ZNF148: variants seen among roughly 807,000 people sequenced by gnomAD.
ZNF148 encodes the protein zinc finger protein 148, also known as Beta-Enolase Repressor Factor-1.
ZNF148 carries 7 observed loss-of-function variants against 67.7 expected under a neutral mutation model. That is an observed-to-expected ratio of 0.10 (90% CI 0.06 to 0.19). ZNF148 has a LOEUF of 0.19. ZNF148 is among the 10% of genes least tolerant of loss of function. The pLI, the probability that ZNF148 is intolerant of heterozygous loss-of-function variation, is 1.00. For synonymous variants in ZNF148, 333 were observed against 330.7 expected (o/e 1.01, Z -0.08); for missense variants, 583 against 947.1 (o/e 0.62, Z 5.05).
intron 1 of ZNF148, among the ~76,000 whole-genome samples, chr3:125,336,412 A>G (rs1941494823): frequency 6.6e-6 from 1 of 152,162 alleles, no homozygotes; most frequent in African/African-American, 2.4e-5. Context: ...AAGAATAAAA[A>G]CTTGTTCCAG....
At chr3:125,289,483 C>T (rs1162922538) in intron 4 of ZNF148, among the ~76,000 whole-genome samples, 1 of 152,186 alleles carries the variant, frequency 6.6e-6, no homozygotes, top group Non-Finnish European at 1.5e-5. Context: ...ACAGTGACCA[C>T]TCTTCTGGCT....
chr3:125,366,204 A>C (rs544676322), intron 1 of ZNF148, among the ~76,000 whole-genome samples: 1 of 152,362 alleles, frequency 6.6e-6, no homozygotes, highest in South Asian at 2.1e-4. Flanking sequence ...CTTGCCAGGA[A>C]AGTATGATTA....
intron 1 of ZNF148, among the ~76,000 whole-genome samples, chr3:125,370,513 A>C (rs977482886): frequency 6.6e-6 from 1 of 152,254 alleles, no homozygotes; most frequent in African/African-American, 2.4e-5. Context: ...ACAATGTACC[A>C]TTTGCAAAAC....
At chr3:125,255,634 G>A (rs1937040802) in intron 7 of ZNF148, among the ~76,000 whole-genome samples, 1 of 151,760 alleles carries the variant, frequency 6.6e-6, no homozygotes, top group Admixed American at 6.6e-5. Context: ...GAGACTGCTG[G>A]GAACAAATTT....
intron 6 of ZNF148, among the ~76,000 whole-genome samples, chr3:125,278,297 TG>T (rs921562506): frequency 2.0e-5 from 3 of 152,130 alleles, no homozygotes; most frequent in African/African-American, 7.2e-5. Flanking sequence ...CTCTCTCTGC[TG>T]GGGCTTTTCC....
At chr3:125,250,926 T>A (rs1156724092) in intron 7 of ZNF148, among the ~76,000 whole-genome samples, 2 of 152,192 alleles carry the variant, frequency 1.3e-5, no homozygotes. Flanking sequence ...TTTTCAAACA[T>A]ACACAAAAGT....
intron 1 of ZNF148, among the ~76,000 whole-genome samples, chr3:125,364,793 G>A (rs1942652810): frequency 6.6e-6 from 1 of 152,100 alleles, no homozygotes. Flanking sequence ...GCACTTTACT[G>A]TATTTATCTC....
intron 3 of ZNF148, among the ~76,000 whole-genome samples, chr3:125,317,662 T>TATATATAGAG (rs752542874): frequency 1.2e-4 from 11 of 90,018 alleles, no homozygotes; most frequent in South Asian, 3.8e-4. Context: ...TATATATATA[T>TATATATAGAG]AGAGAGAGAG....
chr3:125,363,331 C>G (rs1942601504), intron 1 of ZNF148, among the ~76,000 whole-genome samples: 1 of 152,208 alleles, frequency 6.6e-6, no homozygotes. Flanking sequence ...TAATTATCAA[C>G]TCTATGTATG....
At position 125,279,216 on chromosome 3, in the gene ZNF148, C is replaced by A; in HGVS notation, c.491G>T (p.Gly164Val). 1 of 1,590,892 alleles carries A rather than the reference C, an allele frequency of 6.3e-7. No individual in the cohort carries two copies. The highest frequency in any genetic ancestry group is 8.5e-7 in the Non-Finnish European group (1 of 1,169,944). The change falls in exon 6 of 9, where the codon GGT (glycine) becomes GTT (valine). Residue 164 changes from glycine (G) to valine (V), a missense_variant. This residue lies in a region of ZNF148 where 150 missense variants were observed against 202.5 expected (regional missense o/e 0.74). Coordinates refer to ENST00000360647, the MANE Select transcript of ZNF148 (RefSeq NM_021964.3). ...ILTINEDGSLGLKTPKSHVCE... is the reference protein window; with the variant it reads ...ILTINEDGSLVLKTPKSHVCE... ...AACGTGAGATTTAGGGGTTTTCAAA[C>A]CAAGTGATCCATCCTCATTTATTGT...
At position 125,316,855 on chromosome 3, in the gene ZNF148, G is replaced by A. The variant is rs181976174; in HGVS notation, c.-16-3199C>T. On this transcript the variant is annotated intron_variant, in intron 3 of 8. Coordinates refer to ENST00000360647, the MANE Select transcript of ZNF148 (RefSeq NM_021964.3). ...CTGTGCAGAAGATTTTTAGCTCGAT[G>A]TGATTTTTTTAAATTAATCTTATGC... Among the ~76,000 whole-genome samples the A allele has an allele frequency of 1.4e-4, 21 of 152,174 alleles. No individual in the cohort carries two copies. In the East Asian group the frequency reaches 3.9e-3, roughly 28 times the overall value.
intron 6 of ZNF148, among the ~76,000 whole-genome samples, chr3:125,278,753 T>C (rs948197629): frequency 2.6e-5 from 4 of 152,188 alleles, no homozygotes; most frequent in African/African-American, 9.6e-5. Flanking sequence ...ATCTTAGCTA[T>C]CATTTATTTA....
intron 2 of ZNF148, 136 bp from the exon 3 acceptor site, chr3:125,323,580 A>G: frequency 2.1e-6 from 1 of 483,670 alleles, no homozygotes. Context: ...TGAATGACCA[A>G]TGTACTGACT....
chr3:125,238,713 GA>G (rs1178962331), intron 7 of ZNF148, among the ~76,000 whole-genome samples: 2 of 152,154 alleles, frequency 1.3e-5, no homozygotes, highest in Non-Finnish European at 2.9e-5. Context: ...GCACTTCCTC[GA>G]AAAGTTTAAC....
chr3:125,227,574 C>A lies in ZNF148; in HGVS notation c.*4767G>T, dbSNP rs1270538540. The stretch of plus-strand genomic sequence containing the variant: ...ATGCCCTTGAAGTAAAATGAGGTTA[C>A]CTGCTTTATTTGGATACCAAGTTCC... On this transcript the variant is annotated 3_prime_UTR_variant, in exon 9 of 9. Coordinates refer to ENST00000360647, the MANE Select transcript of ZNF148 (RefSeq NM_021964.3). 6.6e-6 allele frequency: 1 copy of A among 152,526 alleles called. No individual in the cohort carries two copies. Among genetic ancestry groups the A allele is most frequent in the Non-Finnish European group, 1.5e-5 (1 of 68,012 alleles). The allele number at this position is 152,526 out of a possible 1,614,324, so 9.4% of individuals were successfully genotyped here.
chr3:125,234,161 T>C (rs1935979724), intron 8 of ZNF148, 50 bp downstream of exon 8: 2 of 1,315,746 alleles, frequency 1.5e-6, no homozygotes, highest in Admixed American at 3.7e-5. Context: ...TAATTTATAA[T>C]TATTGTATAA....
chr3:125,340,379 G>A (rs1941662905), intron 1 of ZNF148, among the ~76,000 whole-genome samples: 1 of 152,148 alleles, frequency 6.6e-6, no homozygotes, highest in Non-Finnish European at 1.5e-5. Flanking sequence ...AGACAGAGAG[G>A]CAAGTAGGCA....
intron 1 of ZNF148, among the ~76,000 whole-genome samples, chr3:125,359,905 C>T (rs1942483696): frequency 1.3e-5 from 2 of 152,188 alleles, no homozygotes; most frequent in South Asian, 2.1e-4. Context: ...AGCTCCACGC[C>T]GCTGCTCCAC....
chr3:125,269,060 C>T (rs766270542), intron 7 of ZNF148, among the ~76,000 whole-genome samples: 4 of 151,946 alleles, frequency 2.6e-5, no homozygotes, highest in Non-Finnish European at 5.9e-5. Context: ...CAAAATAAGA[C>T]ATACAAGCAA....
Sources: allele counts gnomAD v4.1 joint callset (sites outside exome capture counted in the v4.1 genomes callset), GRCh38; gene constraint gnomAD v4.1.1; regional missense constraint gnomAD v4.1.1; transcripts MANE v1.5; gene names NCBI Gene and HGNC (gene_info 2026-07-23, HGNC 2026-07-21).